The following CELF2 variants were observed in gnomAD, a reference collection of about 807,000 sequenced individuals.
CELF2 encodes the protein CUG triplet repeat RNA-binding protein 2.
In CELF2, 8 loss-of-function variants were observed where a neutral mutation model predicts 62.6. The observed-to-expected ratio is 0.13, with a 90% CI of 0.07 to 0.23. CELF2 has a LOEUF of 0.23. CELF2 is among the 10% of genes least tolerant of loss of function. CELF2 has a pLI of 1.00. For synonymous variants in CELF2, 258 were observed against 250.0 expected (o/e 1.03, Z -0.30); for missense variants, 333 against 671.0 (o/e 0.50, Z 5.56).
the CELF2 span, among the ~76,000 whole-genome samples, chr10:10,474,365 T>C: frequency 6.6e-6 from 1 of 151,852 alleles, no homozygotes; most frequent in East Asian, 1.9e-4. Flanking sequence ...AGAGTAACAA[T>C]GTGAATGGTA....
In CELF2 at chr10:11,156,400, C is replaced by T. The variant is rs894086998; in HGVS notation, c.75-9086C>T. Among the ~76,000 whole-genome samples, 7 of 152,200 alleles carry T rather than the reference C, an allele frequency of 4.6e-5. No homozygotes were observed. Among genetic ancestry groups the T allele is most frequent in the African/African-American group, 1.4e-4 (6 of 41,438 alleles). On this transcript the variant is annotated intron_variant, in intron 1 of 12. Transcript: ENST00000633077. The surrounding 1 kb of genome is among the most constrained non-coding windows in gnomAD (Gnocchi z 4.3). ...TTTGAGGATGTGCTGAGACCATCCTCACCGTCCAGACGAGGCCTTCCCTGA... is the reference window on the plus strand; with the variant it reads ...TTTGAGGATGTGCTGAGACCATCCTTACCGTCCAGACGAGGCCTTCCCTGA...
At chr10:10,547,692 A>AGAGTGTGTGTGT in the CELF2 span, among the ~76,000 whole-genome samples, 1 of 138,006 alleles carries the variant, frequency 7.2e-6, no homozygotes, top group African/African-American at 2.8e-5. Flanking sequence ...AGAGAGAGAG[A>AGAGTGTGTGTGT]GTGTGTGTGT....
the CELF2 span, among the ~76,000 whole-genome samples, chr10:10,749,643 T>A: frequency 6.6e-6 from 1 of 152,220 alleles, no homozygotes; most frequent in Non-Finnish European, 1.5e-5. Flanking sequence ...CTATTTTAAA[T>A]GTATACATGA....
the CELF2 span, among the ~76,000 whole-genome samples, chr10:10,577,648 T>C: frequency 6.6e-6 from 1 of 151,958 alleles, no homozygotes; most frequent in Non-Finnish European, 1.5e-5. Context: ...CTGAGAATGA[T>C]GGTTTCCAGC....
At chr10:11,222,171 A>C (rs934048618) in intron 3 of CELF2, among the ~76,000 whole-genome samples, 1 of 152,170 alleles carries the variant, frequency 6.6e-6, no homozygotes, top group African/African-American at 2.4e-5. Flanking sequence ...TTCAGCAAAA[A>C]AGCTTGACTC....
At chr10:11,080,259 T>TC (rs2073631633) in intron 1 of CELF2, among the ~76,000 whole-genome samples, 1 of 152,202 alleles carries the variant, frequency 6.6e-6, no homozygotes, top group African/African-American at 2.4e-5. Context: ...TAATGTTAGT[T>TC]CCCCTTGCTT....
At chr10:10,654,948 A>C in the CELF2 span, among the ~76,000 whole-genome samples, 53,496 of 133,796 alleles carry the variant, frequency 0.4, 10,861 homozygotes, top group South Asian at 0.64. Context: ...TGCAGACGAC[A>C]TGATTGTATA....
At chr10:10,541,032 A>G in the CELF2 span, among the ~76,000 whole-genome samples, 3 of 152,068 alleles carry the variant, frequency 2.0e-5, no homozygotes, top group Non-Finnish European at 4.4e-5. Context: ...ATTTGAGGTC[A>G]GGAGATCGAG....
intron 1 of CELF2, among the ~76,000 whole-genome samples, chr10:10,867,018 A>G (rs568806747): frequency 6.6e-6 from 1 of 152,206 alleles, no homozygotes; most frequent in South Asian, 2.1e-4. Flanking sequence ...ATCTACATTG[A>G]TAAGAAATGG....
At position 11,302,505 on chromosome 10, in the gene CELF2, C is replaced by G. The variant is rs938264941; in HGVS notation, c.977-11634C>G. Among the ~76,000 whole-genome samples, 15 of 152,148 alleles carry G rather than the reference C, an allele frequency of 9.9e-5. No homozygotes were observed. Among genetic ancestry groups the G allele is most frequent in the African/African-American group, 3.6e-4 (15 of 41,438 alleles). The stretch of plus-strand genomic sequence containing the variant: ...CTGTGGCTGCAGTGCCCCCAAAGGA[C>G]AGGATTGGGCCCGCCTCCCCCAGAC... On this transcript the variant is annotated intron_variant, in intron 9 of 12. Coordinates refer to ENST00000633077, the MANE Select transcript of CELF2 (RefSeq NM_001326342.2). This position sits in a 1 kb window ranked among gnomAD's most constrained non-coding sequence, Gnocchi z 5.0.
rs940916380 is a variant in CELF2 at position 11,203,692 on chromosome 10, T to C, written c.272-13733T>C. On this transcript the variant is annotated intron_variant, in intron 2 of 12. Coordinates refer to ENST00000633077, the MANE Select transcript of CELF2 (RefSeq NM_001326342.2). The stretch of plus-strand genomic sequence containing the variant: ...CCGTCTGGCATTTAAAGTTGATCGC[T>C]GTCAAATCTAGAATGGACCCTTTTC... Among the ~76,000 whole-genome samples, 8 of 152,232 alleles carry C rather than the reference T, an allele frequency of 5.3e-5. No individual in the cohort carries two copies. The East Asian group carries it at 1.5e-3, about 29-fold the overall frequency.
In CELF2 at chr10:11,243,954, C is replaced by T. The variant is rs2074808143; in HGVS notation, c.355-5199C>T. Among the ~76,000 whole-genome samples, 1 of 152,194 alleles carries T rather than the reference C, an allele frequency of 6.6e-6. No individual in the cohort carries two copies. The highest frequency in any genetic ancestry group is 2.4e-5 in the African/African-American group (1 of 41,442). ...CCTGGGAACTAGCCTCAGCCCTGAC[C>T]CTAGCCACACAGTAGGTAGATTGAA... On this transcript the variant is annotated intron_variant, in intron 3 of 12. Transcript: ENST00000633077. The surrounding 1 kb of genome is among the most constrained non-coding windows in gnomAD (Gnocchi z 4.1).
the CELF2 span, among the ~76,000 whole-genome samples, chr10:10,598,792 C>T: frequency 9.1e-6 from 1 of 109,344 alleles, no homozygotes; most frequent in African/African-American, 3.1e-5. Flanking sequence ...ACAGAGTCTC[C>T]CTCTGTAGCC....
chr10:10,948,623 A>C (rs1489296476), intron 2 of CELF2, among the ~76,000 whole-genome samples: 1 of 152,186 alleles, frequency 6.6e-6, no homozygotes, highest in African/African-American at 2.4e-5. Flanking sequence ...CCAAGGCTAC[A>C]TGAAGCCCCC....
At position 11,252,242 on chromosome 10, in the gene CELF2, G is replaced by A. The variant is rs140759161; in HGVS notation, c.403+3041G>A. ...TTCACATGGCATTTTTGACAGGTAA[G>A]CATAGTTTCAAAAGCTCAAAGAGCA... On this transcript the variant is annotated intron_variant, in intron 4 of 12. Transcript: ENST00000633077. Among the ~76,000 whole-genome samples, 29 of 152,352 alleles carry A rather than the reference G, an allele frequency of 1.9e-4. No homozygotes were observed. In the East Asian group the frequency reaches 5.6e-3, roughly 29 times the overall value.
the CELF2 span, among the ~76,000 whole-genome samples, chr10:10,658,242 C>T: frequency 3.3e-5 from 5 of 152,080 alleles, no homozygotes. Flanking sequence ...CCCTTCTTGC[C>T]CATTTATTTG....
the CELF2 span, among the ~76,000 whole-genome samples, chr10:10,532,069 A>G: frequency 1.3e-5 from 2 of 152,262 alleles, no homozygotes; most frequent in African/African-American, 4.8e-5. Context: ...CAAGTATTCC[A>G]TATTTGCCTA....
chr10:10,670,350 C>T, the CELF2 span, among the ~76,000 whole-genome samples: 1 of 152,284 alleles, frequency 6.6e-6, no homozygotes, highest in South Asian at 2.1e-4. Context: ...CAAAACATAA[C>T]ACTTACCAGT....
At chr10:10,890,612 A>T (rs1279204868) in intron 1 of CELF2, among the ~76,000 whole-genome samples, 1 of 152,242 alleles carries the variant, frequency 6.6e-6, no homozygotes, top group Non-Finnish European at 1.5e-5. Flanking sequence ...CTGCCTTGAA[A>T]GGTAGCACTT....
Sources: allele counts gnomAD v4.1 joint callset (sites outside exome capture counted in the v4.1 genomes callset), GRCh38; gene constraint gnomAD v4.1.1; non-coding constraint Gnocchi (gnomAD v3.1); transcripts MANE v1.5; gene names NCBI Gene and HGNC (gene_info 2026-07-23, HGNC 2026-07-21).